Variants in FGF14 observed in about 807,000 individuals in gnomAD.
FGF14 encodes the protein fibroblast growth factor homologous factor 4.
Under a neutral mutation model 25.5 loss-of-function variants are expected in FGF14, and 5 were observed. That is an observed-to-expected ratio of 0.20 (90% confidence interval 0.10 to 0.41). The LOEUF is 0.41. Ranked by LOEUF, FGF14 falls within the 10% of genes least tolerant of loss-of-function variation. The pLI, the probability that FGF14 is intolerant of heterozygous loss-of-function variation, is 1.00. For synonymous variants in FGF14, 138 were observed against 118.3 expected, an observed-to-expected ratio of 1.17 and a Z score of -1.08; for missense variants, 222 against 320.1, an observed-to-expected ratio of 0.69 and a Z score of 2.34.
chr13:101,981,125 ACAC>A (rs1366537523), intron 1 of FGF14, among the ~76,000 whole-genome samples: 2 of 149,804 alleles, frequency 1.3e-5, no homozygotes, highest in South Asian at 2.1e-4. Context: ...ACACACACAC[ACAC>A]AATTAGCCAG....
chr13:102,238,062 C>G (rs773159533), intron 1 of FGF14, among the ~76,000 whole-genome samples: 6 of 152,074 alleles, frequency 3.9e-5, no homozygotes, highest in Non-Finnish European at 8.8e-5. Flanking sequence ...TCATGGGCAA[C>G]GTTTTCTTTA....
At chr13:101,911,553 T>G (rs2032934485) in intron 1 of FGF14, among the ~76,000 whole-genome samples, 1 of 152,164 alleles carries the variant, frequency 6.6e-6, no homozygotes, top group South Asian at 2.1e-4. Flanking sequence ...TGTGAAATCA[T>G]AACAATTAAG....
At chr13:102,258,440 G>A (rs989596708) in intron 1 of FGF14, among the ~76,000 whole-genome samples, 1 of 152,058 alleles carries the variant, frequency 6.6e-6, no homozygotes, top group Non-Finnish European at 1.5e-5. Context: ...GCCACCATTG[G>A]CTGAGGTCCT....
intron 2 of FGF14, among the ~76,000 whole-genome samples, chr13:101,874,959 A>G (rs1311779223): frequency 6.6e-6 from 1 of 152,180 alleles, no homozygotes; most frequent in Non-Finnish European, 1.5e-5. Context: ...TGAATAAAAA[A>G]CAAAAATAGT....
intron 1 of FGF14, among the ~76,000 whole-genome samples, chr13:102,370,617 T>C (rs953972804): frequency 2.0e-5 from 3 of 152,112 alleles, no homozygotes; most frequent in Admixed American, 2.0e-4. Context: ...AAGGTTAATT[T>C]TGATAAAATC....
chr13:102,395,635 G>T (rs1341549392), intron 1 of FGF14: 1 of 152,206 alleles, frequency 6.6e-6, no homozygotes, highest in African/African-American at 2.4e-5. Context: ...CCTGCCCTTT[G>T]TAGTCCCATA....
intron 1 of FGF14, among the ~76,000 whole-genome samples, chr13:102,306,822 T>C (rs889078152): frequency 2.6e-5 from 4 of 152,118 alleles, no homozygotes; most frequent in African/African-American, 9.7e-5. Flanking sequence ...GCCAGAGTCA[T>C]ATATTTTCAC....
At chr13:102,268,970 T>C (rs1036646099) in intron 1 of FGF14, among the ~76,000 whole-genome samples, 3 of 152,200 alleles carry the variant, frequency 2.0e-5, no homozygotes, top group African/African-American at 7.2e-5. Context: ...ATTTAGCTTG[T>C]GTACCATATC....
At chr13:102,373,351 T>C (rs188103841) in intron 1 of FGF14, 8 of 152,322 alleles carry the variant, frequency 5.3e-5, no homozygotes, top group East Asian at 1.9e-4. Context: ...AACTTTTAAC[T>C]ATAAACACTG....
At chr13:102,294,265 A>G (rs368092675) in intron 1 of FGF14, among the ~76,000 whole-genome samples, 2 of 152,164 alleles carry the variant, frequency 1.3e-5, no homozygotes, top group African/African-American at 4.8e-5. Context: ...TTTAACAACT[A>G]ATTTTCTTAA....
intron 1 of FGF14, among the ~76,000 whole-genome samples, chr13:102,228,225 T>C (rs1375335559): frequency 1.3e-5 from 2 of 152,190 alleles, no homozygotes; most frequent in African/African-American, 4.8e-5. Context: ...TTGGACAGTT[T>C]TTCTTCTCCA....
rs2041235648 is a variant in FGF14 at position 101,806,875 on chromosome 13, T to C, written c.408+61850A>G. On this transcript the variant is annotated intron_variant, in intron 3 of 4. Coordinates refer to ENST00000376143, the MANE Select transcript of FGF14 (RefSeq NM_004115.4). The stretch of plus-strand genomic sequence containing the variant: ...ATTGTTCCTGAAAAGAATCCTGGGG[T>C]TCCCTCACAGTGATAGAGCTTCCGA... Among the ~76,000 whole-genome samples the C allele has an allele frequency of 2.0e-5, 3 of 152,022 alleles. No individual in the cohort carries two copies. The South Asian group carries it at 6.2e-4, about 32-fold the overall frequency.
intron 1 of FGF14, among the ~76,000 whole-genome samples, chr13:102,113,724 A>G (rs2045339099): frequency 6.6e-6 from 1 of 152,122 alleles, no homozygotes; most frequent in South Asian, 2.1e-4. Flanking sequence ...TTGGGACATG[A>G]CCCTTCCACC....
At chr13:102,300,538 A>G (rs1178352632) in intron 1 of FGF14, among the ~76,000 whole-genome samples, 2 of 152,166 alleles carry the variant, frequency 1.3e-5, no homozygotes, top group Admixed American at 6.5e-5. Flanking sequence ...CTTCTACATA[A>G]TCTTCTATAA....
intron 1 of FGF14, among the ~76,000 whole-genome samples, chr13:101,961,068 T>G (rs1178622940): frequency 6.6e-6 from 1 of 152,194 alleles, no homozygotes; most frequent in Non-Finnish European, 1.5e-5. Context: ...TTAAGTTCCT[T>G]GTACATTCTG....
chr13:101,725,364 T>G (rs1013321891), intron 4 of FGF14, among the ~76,000 whole-genome samples: 11 of 152,146 alleles, frequency 7.2e-5, no homozygotes, highest in Admixed American at 1.3e-4. Context: ...AATAATTCAC[T>G]CATATTTCAG....
chr13:102,135,060 C>CACAA (rs1309843867), intron 1 of FGF14, among the ~76,000 whole-genome samples: 37 of 139,270 alleles, frequency 2.7e-4, no homozygotes, highest in African/African-American at 9.5e-4. Flanking sequence ...CACACACACA[C>CACAA]AAATCCGCGT....
chr13:101,763,821 C>T (rs2038208989), intron 3 of FGF14, among the ~76,000 whole-genome samples: 1 of 152,146 alleles, frequency 6.6e-6, no homozygotes, highest in African/African-American at 2.4e-5. Context: ...GATTGCACCA[C>T]TGCACTCCAG....
chr13:101,978,132 T>A (rs745889405), intron 1 of FGF14, among the ~76,000 whole-genome samples: 12 of 152,150 alleles, frequency 7.9e-5, no homozygotes, highest in Non-Finnish European at 1.5e-4. Flanking sequence ...TAACAAAAAT[T>A]GGGGTGCTTT....
Sources: allele counts gnomAD v4.1 joint callset (sites outside exome capture counted in the v4.1 genomes callset), GRCh38; gene constraint gnomAD v4.1.1; transcripts MANE v1.5; gene names NCBI Gene and HGNC (gene_info 2026-07-23, HGNC 2026-07-21).